Variants in NUP210L observed in about 807,000 individuals in gnomAD.
NUP210L encodes nucleoporin 210 like.
NUP210L carries 74 observed loss-of-function variants against 208.5 expected under a neutral mutation model. The ratio of observed to expected loss-of-function variants is 0.35; its 90% CI spans 0.29 to 0.43. The LOEUF (loss-of-function observed/expected upper bound fraction) is 0.43, where lower values mean the gene tolerates loss of function less well. Ranked by LOEUF, NUP210L falls within the 20% of genes least tolerant of loss-of-function variation. The probability of loss-of-function intolerance (pLI) is 1.00; values close to 1 mark genes in which losing one functional copy is unlikely to be tolerated. For synonymous variants in NUP210L, 780 were observed against 816.9 expected (o/e 0.95, Z 0.77); for missense variants, 1,843 against 2,289.4 (o/e 0.81, Z 3.98).
At chr1:154,111,225 A>C (rs1182574404) in intron 12 of NUP210L, among the ~76,000 whole-genome samples, 1 of 151,234 alleles carries the variant, frequency 6.6e-6, no homozygotes, top group Non-Finnish European at 1.5e-5. Context: ...TGTACTAAAA[A>C]TACGAAAATT....
chr1:154,057,244 C>A (rs1466880651), intron 22 of NUP210L, among the ~76,000 whole-genome samples: 2 of 152,108 alleles, frequency 1.3e-5, no homozygotes, highest in African/African-American at 4.8e-5. Flanking sequence ...TCCCATCATG[C>A]TGGGATTGCA....
intron 27 of NUP210L, among the ~76,000 whole-genome samples, chr1:154,042,708 G>A (rs959460151): frequency 6.0e-5 from 9 of 149,322 alleles, no homozygotes; most frequent in Non-Finnish European, 1.0e-4. Flanking sequence ...GATTACAGGC[G>A]TGAGCCACCG....
exon 4 of NUP210L, chr1:154,141,445 C>G (rs1480213000): frequency 1.9e-6 from 3 of 1,604,130 alleles, no homozygotes; most frequent in Non-Finnish European, 2.6e-6. Context: ...TTTTGCTAGA[C>G]AGTTCTTCTC....
intron 28 of NUP210L, 33 bp from the exon 29 acceptor site, chr1:154,027,630 C>T (rs952234902): frequency 6.8e-7 from 1 of 1,477,342 alleles, no homozygotes; most frequent in African/African-American, 1.4e-5. Context: ...TCATTTTTGG[C>T]AAAGACAAAT....
rs766315904 is a variant in NUP210L, at chr1:154,138,287, C to G, written c.718-49G>C. On this transcript the variant is annotated intron_variant, in intron 5 of 39. Transcript: ENST00000368559. Reference sequence around the variant, plus strand: ...AAAAAAACAGTTTCCATGGACGGAACCCTCACAGTCATCTTTCTTGTTAAA... The same window carrying G: ...AAAAAAACAGTTTCCATGGACGGAAGCCTCACAGTCATCTTTCTTGTTAAA... 7 of 1,477,164 alleles carry G rather than the reference C, an allele frequency of 4.7e-6. No homozygotes were observed. In the Admixed American group the frequency reaches 1.7e-4, roughly 35 times the overall value. 91.5% of individuals were successfully genotyped at this position (1,477,164 alleles called of 1,614,324 possible).
chr1:154,004,750 G>A (rs1650411050), intron 35 of NUP210L, among the ~76,000 whole-genome samples: 1 of 151,924 alleles, frequency 6.6e-6, no homozygotes, highest in African/African-American at 2.4e-5. Flanking sequence ...GGGCTCAAGG[G>A]ATTCCCCCAC....
In NUP210L at chr1:154,025,729, G is replaced by C; in HGVS notation, c.3948-13C>G. On this transcript the variant is annotated splice_polypyrimidine_tract_variant and intron_variant, in intron 29 of 39. Transcript: ENST00000368559. Reference sequence around the variant, plus strand: ...GGCAGCTCCTTCCCTAGGGAACAAGGAAAGGAAGTGGCATCTTTTTGGGGT... The same window carrying C: ...GGCAGCTCCTTCCCTAGGGAACAAGCAAAGGAAGTGGCATCTTTTTGGGGT... 4 of 1,606,904 alleles carry C rather than the reference G, an allele frequency of 2.5e-6. No homozygotes were observed. Among genetic ancestry groups the C allele is most frequent in the Non-Finnish European group, 3.4e-6 (4 of 1,175,844 alleles).
chr1:154,045,025 T>C (rs2841102), intron 27 of NUP210L, among the ~76,000 whole-genome samples: 65,014 of 151,928 alleles, frequency 0.43, 14,547 homozygotes, highest in East Asian at 0.75. Context: ...TGGTTCCAGA[T>C]ACAGCAGGTA....
At chr1:154,010,505 T>C (rs1345032046) in intron 34 of NUP210L, among the ~76,000 whole-genome samples, 6 of 152,120 alleles carry the variant, frequency 3.9e-5, no homozygotes, top group African/African-American at 1.4e-4. Context: ...TCCCCAGTAG[T>C]TGGGATTACA....
intron 16 of NUP210L, among the ~76,000 whole-genome samples, chr1:154,073,853 TAAA>T (rs1654901387): frequency 3.3e-5 from 5 of 150,954 alleles, no homozygotes; most frequent in Non-Finnish European, 7.4e-5. Flanking sequence ...AATAAATAAA[TAAA>T]TAAATTCAAT....
intron 15 of NUP210L, among the ~76,000 whole-genome samples, chr1:154,091,071 G>GTTATTATTATTATTA (rs111324293): frequency 2.7e-4 from 38 of 140,820 alleles, no homozygotes; most frequent in African/African-American, 6.0e-4. Context: ...TATTATTGCT[G>GTTATTATTATTATTA]TTATTATTAT....
chr1:154,021,986 T>A, intron 32 of NUP210L, 140 bp downstream of exon 32: 1 of 707,972 alleles, frequency 1.4e-6, no homozygotes, highest in Non-Finnish European at 2.4e-6. Context: ...CTCTCCAGCT[T>A]GGCCTCCCAA....
exon 40 of NUP210L, chr1:153,992,932 A>G (rs771175494): frequency 3.7e-6 from 6 of 1,611,224 alleles, no homozygotes; most frequent in Non-Finnish European, 4.2e-6. Context: ...GGAGTTAAAA[A>G]AACCTAGAAG....
intron 37 of NUP210L, among the ~76,000 whole-genome samples, chr1:153,996,115 A>G (rs1649845740): frequency 6.6e-6 from 1 of 151,892 alleles, no homozygotes. Flanking sequence ...ACATGGTGAA[A>G]CCCCGTCTCT....
At chr1:154,116,633 G>A (rs929302867) in intron 12 of NUP210L, among the ~76,000 whole-genome samples, 2 of 151,796 alleles carry the variant, frequency 1.3e-5, no homozygotes, top group Non-Finnish European at 2.9e-5. Context: ...AGGCCAAGGC[G>A]GGAGAACTGC....
intron 2 of NUP210L, 61 bp from the exon 3 acceptor site, chr1:154,143,638 C>A: frequency 7.2e-7 from 1 of 1,388,104 alleles, no homozygotes; most frequent in South Asian, 1.3e-5. Context: ...TTAAATGTCT[C>A]AAATACTCAA....
At chr1:154,155,019 C>G (rs1172677442) in exon 1 of NUP210L, 10 of 1,610,806 alleles carry the variant, frequency 6.2e-6, no homozygotes, top group Non-Finnish European at 8.5e-6. Context: ...GCCTCGGCGT[C>G]TTGATGACGC....
At chr1:154,073,620 G>T (rs1654880533) in intron 16 of NUP210L, among the ~76,000 whole-genome samples, 1 of 151,864 alleles carries the variant, frequency 6.6e-6, no homozygotes, top group Non-Finnish European at 1.5e-5. Flanking sequence ...TTCGAGACCA[G>T]CCTGGCTAAC....
intron 32 of NUP210L, 125 bp downstream of exon 32, chr1:154,022,001 C>G (rs561473877): frequency 2.3e-6 from 2 of 863,152 alleles, no homozygotes; most frequent in Non-Finnish European, 1.8e-6. Flanking sequence ...TCCCAAAGGG[C>G]TGAGATTATG....
Sources: allele counts gnomAD v4.1 joint callset (sites outside exome capture counted in the v4.1 genomes callset), GRCh38; gene constraint gnomAD v4.1.1; transcripts MANE v1.5; gene names NCBI Gene and HGNC (gene_info 2026-07-23, HGNC 2026-07-21).